GPR158: variants seen among roughly 807,000 people sequenced by gnomAD.
GPR158 encodes metabotropic glycine receptor.
Under a neutral mutation model 78.2 loss-of-function variants are expected in GPR158, and 30 were observed. The observed-to-expected ratio is 0.38, with a 90% CI of 0.29 to 0.52. The LOEUF is 0.52. GPR158 is among the 20% of genes least tolerant of loss of function. The pLI, the probability that GPR158 is intolerant of heterozygous loss-of-function variation, is 0.83. For missense variants in GPR158, 1,463 were observed against 1,523.5 expected (o/e 0.96, Z 0.66); for synonymous variants, 581 against 591.1 (o/e 0.98, Z 0.25).
At chr10:25,463,625 G>C (rs2130614415) in intron 4 of GPR158, among the ~76,000 whole-genome samples, 1 of 152,018 alleles carries the variant, frequency 6.6e-6, no homozygotes, top group African/African-American at 2.4e-5. Context: ...TTCTATCTCA[G>C]GCATAACTAG....
intron 1 of GPR158, among the ~76,000 whole-genome samples, chr10:25,186,312 A>C (rs1258143376): frequency 6.6e-6 from 1 of 152,232 alleles, no homozygotes; most frequent in Non-Finnish European, 1.5e-5. Flanking sequence ...AATTAAAAGA[A>C]CTAGAGAAGC....
chr10:25,369,228 G>A (rs1469771098), intron 2 of GPR158, among the ~76,000 whole-genome samples: 1 of 150,268 alleles, frequency 6.7e-6, no homozygotes, highest in African/African-American at 2.4e-5. Context: ...GTGAGAGAGG[G>A]CATCCCTGTC....
At chr10:25,382,194 A>G (rs1031655648) in intron 2 of GPR158, among the ~76,000 whole-genome samples, 25 of 152,160 alleles carry the variant, frequency 1.6e-4, no homozygotes, top group Non-Finnish European at 3.2e-4. Flanking sequence ...CCTTTGGGCT[A>G]TTTCTGTAGG....
At chr10:25,509,437 A>C (rs1242372030) in intron 5 of GPR158, among the ~76,000 whole-genome samples, 1 of 152,168 alleles carries the variant, frequency 6.6e-6, no homozygotes, top group African/African-American at 2.4e-5. Flanking sequence ...TACTGCAGAA[A>C]TGGCTTCTCT....
chr10:25,176,123 C>A lies in GPR158; in HGVS notation c.703C>A (p.His235Asn). The change falls in exon 1 of 11, where the codon CAC becomes AAC. Residue 235 changes from histidine to asparagine, a missense_variant. Coordinates refer to ENST00000376351, the MANE Select transcript of GPR158 (RefSeq NM_020752.3). This position sits in a 1 kb window ranked among gnomAD's most constrained non-coding sequence, Gnocchi z 6.3. ...GLRRKWRPHL[H>N]RRGPNQGPRG... ...CCGGCGCAAGTGGAGGCCCCACTTACACCGCCGCGGCCCCAATCAGGGGCC... is the reference window on the plus strand; with the variant it reads ...CCGGCGCAAGTGGAGGCCCCACTTAAACCGCCGCGGCCCCAATCAGGGGCC... 6.4e-7 allele frequency: 1 copy of A among 1,573,856 alleles called. No homozygotes were observed. Among genetic ancestry groups the A allele is most frequent in the Admixed American group, 1.9e-5 (1 of 52,702 alleles).
intron 5 of GPR158, among the ~76,000 whole-genome samples, chr10:25,501,950 C>G (rs1835950042): frequency 6.6e-6 from 1 of 152,114 alleles, no homozygotes; most frequent in African/African-American, 2.4e-5. Context: ...CCAGCACTTG[C>G]AAACTGTTTG....
intron 4 of GPR158, among the ~76,000 whole-genome samples, chr10:25,438,670 C>T (rs1015964591): frequency 1.3e-5 from 2 of 152,146 alleles, no homozygotes. Context: ...AAATGAACTT[C>T]CTCCAAATTT....
At chr10:25,310,018 T>C (rs1199848015) in intron 2 of GPR158, among the ~76,000 whole-genome samples, 1 of 152,216 alleles carries the variant, frequency 6.6e-6, no homozygotes, top group Admixed American at 6.5e-5. Context: ...TATTGCCCTC[T>C]GTTTTATAGT....
At chr10:25,460,224 T>G (rs1835339886) in intron 4 of GPR158, among the ~76,000 whole-genome samples, 1 of 151,818 alleles carries the variant, frequency 6.6e-6, no homozygotes, top group African/African-American at 2.4e-5. Context: ...TCTTTTGAGA[T>G]GGAGTCTTGC....
chr10:25,385,954 T>G (rs879360931), intron 2 of GPR158, among the ~76,000 whole-genome samples: 23 of 152,172 alleles, frequency 1.5e-4, no homozygotes, highest in Non-Finnish European at 3.1e-4. Flanking sequence ...GCAAATAAGT[T>G]TTTAAATTTG....
rs565936448 is a variant in GPR158, at chr10:25,231,298, G to A, written c.1008+10141G>A. ...AAAAATGTTTAGCTGACCTTCGATTGCAAATCTGGGATAATCTGAGCCAGA... is the reference window on the plus strand; with the variant it reads ...AAAAATGTTTAGCTGACCTTCGATTACAAATCTGGGATAATCTGAGCCAGA... On this transcript the variant is annotated intron_variant, in intron 2 of 10. Transcript: ENST00000376351. Among the ~76,000 whole-genome samples, 15 of 152,256 alleles carry A rather than the reference G, an allele frequency of 9.9e-5. No homozygotes were observed. The South Asian group carries it at 3.1e-3, about 32-fold the overall frequency.
In GPR158 at chr10:25,550,823, G is replaced by A. The variant is rs541487938; in HGVS notation, c.1405-153G>A. On this transcript the variant is annotated intron_variant, in intron 5 of 10. Transcript: ENST00000376351. ...GGGAGACTGTGTATTTCTTTGGTCT[G>A]GACAATAAATGGTCAAAATAGTATT... is the stretch of plus-strand genomic sequence containing the variant. Among the ~76,000 whole-genome samples, 5 of 152,054 alleles carry A rather than the reference G, an allele frequency of 3.3e-5. No individual in the cohort carries two copies. The South Asian group carries it at 1.0e-3, about 32-fold the overall frequency.
At chr10:25,504,058 T>G (rs1268545518) in intron 5 of GPR158, among the ~76,000 whole-genome samples, 1 of 151,886 alleles carries the variant, frequency 6.6e-6, no homozygotes, top group Non-Finnish European at 1.5e-5. Flanking sequence ...GCCCAGCTAA[T>G]TTTTGTATTA....
chr10:25,431,587 T>C (rs1834906711), intron 4 of GPR158, among the ~76,000 whole-genome samples: 1 of 134,192 alleles, frequency 7.5e-6, no homozygotes. Context: ...CTATTCACAA[T>C]AGCAAAGACT....
intron 4 of GPR158, among the ~76,000 whole-genome samples, chr10:25,441,957 G>T (rs1274873893): frequency 6.6e-6 from 1 of 152,070 alleles, no homozygotes; most frequent in Non-Finnish European, 1.5e-5. Context: ...AGAGTTTAAG[G>T]GCGTTTGAAA....
intron 2 of GPR158, among the ~76,000 whole-genome samples, chr10:25,298,881 T>C (rs1227170352): frequency 6.6e-6 from 1 of 152,206 alleles, no homozygotes; most frequent in Non-Finnish European, 1.5e-5. Context: ...TCCATGTTTA[T>C]TTATTTACCA....
At chr10:25,324,649 C>T (rs1053055993) in intron 2 of GPR158, among the ~76,000 whole-genome samples, 2 of 152,076 alleles carry the variant, frequency 1.3e-5, no homozygotes, top group East Asian at 1.9e-4. Context: ...CCCATAGACT[C>T]GCTCAATGCA....
rs74126221 is a variant in GPR158, at chr10:25,572,980, A to T, written c.1753+93A>T. The T allele has an allele frequency of 9.4e-3, 7,343 of 780,990 alleles. 361 individuals carry two copies. In the African/African-American group the frequency reaches 0.11, roughly 11 times the overall value. 48.4% of individuals were successfully genotyped at this position (780,990 alleles called of 1,614,324 possible). A position where few individuals can be genotyped will look rare whatever the true frequency, so the allele number is the denominator to read the frequency against. On this transcript the variant is annotated intron_variant, in intron 7 of 10. Transcript: ENST00000376351. ...AAAGTCTTGCCAGACTCTTTAGTAA[A>T]GCCTAAACTAATCTCACCTAATGTG...
At chr10:25,210,577 A>C (rs559193175) in intron 1 of GPR158, among the ~76,000 whole-genome samples, 1 of 152,210 alleles carries the variant, frequency 6.6e-6, no homozygotes, top group African/African-American at 2.4e-5. Context: ...ATGTGTAGTG[A>C]TATCTCATTA....
Sources: allele counts gnomAD v4.1 joint callset (sites outside exome capture counted in the v4.1 genomes callset), GRCh38; gene constraint gnomAD v4.1.1; non-coding constraint Gnocchi (gnomAD v3.1); transcripts MANE v1.5; gene names NCBI Gene and HGNC (gene_info 2026-07-23, HGNC 2026-07-21).